The following SLX4IP variants were observed in gnomAD, a reference collection of about 807,000 sequenced individuals.
SLX4IP encodes the protein protein SLX4IP.
Under a neutral mutation model 32.9 loss-of-function variants are expected in SLX4IP, and 34 were observed. That is an observed-to-expected ratio of 1.03 (90% CI 0.79 to 1.38). The LOEUF (loss-of-function observed/expected upper bound fraction) is 1.38. SLX4IP is among the 40% of genes most tolerant of loss of function. The probability of loss-of-function intolerance (pLI) is 0.00; values close to 1 mark genes in which losing one functional copy is unlikely to be tolerated. For missense variants in SLX4IP, 444 were observed against 479.0 expected, an observed-to-expected ratio of 0.93 and a Z score of 0.68; for synonymous variants, 172 against 171.7, an observed-to-expected ratio of 1.00 and a Z score of -0.01.
intron 4 of SLX4IP, among the ~76,000 whole-genome samples, chr20:10,566,810 A>G (rs2066400075): frequency 6.6e-6 from 1 of 152,152 alleles, no homozygotes; most frequent in Non-Finnish European, 1.5e-5. Flanking sequence ...TCAGAATCGC[A>G]GTGGTGGTGA....
In SLX4IP at chr20:10,529,478, C is replaced by A. The variant is rs1390866085; in HGVS notation, c.28-26753C>A. ...TGGTGGCAGGTGCCTGTAATCTCAG[C>A]TACTTGGAAGGCTGAGGCAGGAGAA... is the stretch of plus-strand genomic sequence containing the variant. On this transcript the variant is annotated intron_variant, in intron 2 of 7. Coordinates refer to ENST00000334534, the MANE Select transcript of SLX4IP (RefSeq NM_001009608.3). Among the ~76,000 whole-genome samples the A allele has an allele frequency of 1.3e-5, 2 of 151,102 alleles. 1 individual carries two copies. Among genetic ancestry groups the A allele is most frequent in the Non-Finnish European group, 2.9e-5 (2 of 67,916 alleles).
intron 4 of SLX4IP, among the ~76,000 whole-genome samples, chr20:10,579,148 G>A (rs1318007230): frequency 6.6e-6 from 1 of 151,934 alleles, no homozygotes; most frequent in African/African-American, 2.4e-5. Context: ...CCCTATCCAA[G>A]GTAATAAAAA....
chr20:10,536,039 C>T (rs6040015), intron 2 of SLX4IP, among the ~76,000 whole-genome samples: 86,629 of 151,960 alleles, frequency 0.57, 25,357 homozygotes, highest in South Asian at 0.72. Flanking sequence ...CAAGGGAGTC[C>T]GAAAAGTCAG....
At chr20:10,543,214 T>C (rs1262740662) in intron 2 of SLX4IP, among the ~76,000 whole-genome samples, 1 of 152,230 alleles carries the variant, frequency 6.6e-6, no homozygotes, top group Non-Finnish European at 1.5e-5. Context: ...GGATGTGTAA[T>C]ATGGGAGAAA....
chr20:10,499,201 G>A (rs1477783222), intron 2 of SLX4IP, among the ~76,000 whole-genome samples: 1 of 151,990 alleles, frequency 6.6e-6, no homozygotes, highest in East Asian at 1.9e-4. Flanking sequence ...GACTTTTATA[G>A]CTTACTCTCT....
chr20:10,527,114 G>A (rs994770953), intron 2 of SLX4IP, among the ~76,000 whole-genome samples: 4 of 152,126 alleles, frequency 2.6e-5, no homozygotes, highest in Non-Finnish European at 5.9e-5. Flanking sequence ...GTATTTTGCT[G>A]GTTCATTTGT....
chr20:10,527,914 G>A (rs552181282), intron 2 of SLX4IP, among the ~76,000 whole-genome samples: 2 of 152,124 alleles, frequency 1.3e-5, no homozygotes, highest in Non-Finnish European at 2.9e-5. Flanking sequence ...ATTTGGGAAA[G>A]AAATGTGCAG....
intron 6 of SLX4IP, among the ~76,000 whole-genome samples, chr20:10,618,296 G>T (rs764708883): frequency 3.3e-5 from 5 of 152,216 alleles, no homozygotes; most frequent in Non-Finnish European, 5.9e-5. Context: ...TATCTCCCTA[G>T]AGGCCAGGGC....
chr20:10,477,792 T>C (rs535223874), intron 2 of SLX4IP, among the ~76,000 whole-genome samples: 18 of 152,266 alleles, frequency 1.2e-4, no homozygotes, highest in Non-Finnish European at 2.2e-4. Flanking sequence ...GGGAAACATA[T>C]CTATTTTAAG....
At chr20:10,572,445 A>T (rs940773651) in intron 4 of SLX4IP, among the ~76,000 whole-genome samples, 1 of 152,130 alleles carries the variant, frequency 6.6e-6, no homozygotes. Flanking sequence ...CATATTCTCT[A>T]TTCTCTGATC....
chr20:10,577,440 G>A (rs1401628199), intron 4 of SLX4IP, among the ~76,000 whole-genome samples: 1 of 152,120 alleles, frequency 6.6e-6, no homozygotes, highest in East Asian at 1.9e-4. Context: ...AATAAGGCCT[G>A]GCATGATGGC....
At chr20:10,461,291 A>T (rs2065335813) in intron 2 of SLX4IP, among the ~76,000 whole-genome samples, 3 of 152,252 alleles carry the variant, frequency 2.0e-5, no homozygotes, top group Admixed American at 1.3e-4. Context: ...GGTCTGTTCC[A>T]TACCCATGGA....
At chr20:10,495,061 T>G (rs1460339153) in intron 2 of SLX4IP, among the ~76,000 whole-genome samples, 2 of 152,188 alleles carry the variant, frequency 1.3e-5, no homozygotes, top group Admixed American at 1.3e-4. Flanking sequence ...TTTTTCCCAT[T>G]TATCAAAACA....
chr20:10,498,669 TTTTTC>T (rs998740007), intron 2 of SLX4IP, among the ~76,000 whole-genome samples: 3 of 134,346 alleles, frequency 2.2e-5, no homozygotes, highest in Non-Finnish European at 4.7e-5. Context: ...AGCAATTTCT[TTTTTC>T]TTTTCTTTTC....
chr20:10,568,178 T>G (rs1278038893), intron 4 of SLX4IP, among the ~76,000 whole-genome samples: 1 of 152,250 alleles, frequency 6.6e-6, no homozygotes, highest in East Asian at 1.9e-4. Context: ...TGTCTTAGCA[T>G]GACAGCTAGA....
intron 2 of SLX4IP, among the ~76,000 whole-genome samples, chr20:10,479,528 A>T (rs1267394025): frequency 1.3e-5 from 2 of 150,956 alleles, no homozygotes; most frequent in Non-Finnish European, 3.0e-5. Flanking sequence ...AATTTTTTGT[A>T]TTTTTAGTAG....
At chr20:10,518,463 CTTT>C (rs1568720157) in intron 2 of SLX4IP, among the ~76,000 whole-genome samples, 27 of 41,448 alleles carry the variant, frequency 6.5e-4, no homozygotes, top group African/African-American at 1.4e-3. Flanking sequence ...TCCTTCCTTC[CTTT>C]CCTTTCTTTT....
intron 2 of SLX4IP, among the ~76,000 whole-genome samples, chr20:10,542,334 T>C (rs976924355): frequency 8.5e-5 from 13 of 152,208 alleles, no homozygotes; most frequent in African/African-American, 2.9e-4. Context: ...CCTGTCTCCT[T>C]ATGGTTTCTC....
intron 2 of SLX4IP, among the ~76,000 whole-genome samples, chr20:10,483,074 A>G (rs1471871653): frequency 6.6e-6 from 1 of 152,228 alleles, no homozygotes; most frequent in Non-Finnish European, 1.5e-5. Flanking sequence ...TGTATTATCT[A>G]TATATCACCA....
Sources: allele counts gnomAD v4.1 joint callset (sites outside exome capture counted in the v4.1 genomes callset), GRCh38; gene constraint gnomAD v4.1.1; transcripts MANE v1.5; gene names NCBI Gene and HGNC (gene_info 2026-07-23, HGNC 2026-07-21).